The following GRIK1 variants were observed in gnomAD, a reference collection of about 807,000 sequenced individuals.
GRIK1 encodes glutamate receptor ionotropic, kainate 1.
A neutral mutation model predicts 105.7 loss-of-function variants in GRIK1; 69 were observed. The observed-to-expected ratio is 0.65, with a 90% CI of 0.54 to 0.80. The LOEUF (loss-of-function observed/expected upper bound fraction) is 0.80, where lower values mean the gene tolerates loss of function less well. Ranked by LOEUF, GRIK1 falls within the 30% of genes least tolerant of loss-of-function variation. GRIK1 has a pLI of 0.00. For synonymous variants in GRIK1, 438 were observed against 431.3 expected (o/e 1.02, Z -0.19); for missense variants, 1,109 against 1,167.3 (o/e 0.95, Z 0.73).
At chr21:29,649,700 C>T (rs2062692323) in intron 6 of GRIK1, among the ~76,000 whole-genome samples, 1 of 152,160 alleles carries the variant, frequency 6.6e-6, no homozygotes, top group East Asian at 1.9e-4. Context: ...AACACACAGA[C>T]TTTTTTTCTT....
At chr21:29,707,994 A>C (rs1418427075) in intron 1 of GRIK1, among the ~76,000 whole-genome samples, 1 of 152,096 alleles carries the variant, frequency 6.6e-6, no homozygotes, top group Non-Finnish European at 1.5e-5. Context: ...TTACTTGGAG[A>C]GAGTAAAATG....
intron 8 of GRIK1, 121 bp downstream of exon 8, chr21:29,598,709 G>C (rs141303264): frequency 1.9e-6 from 1 of 525,060 alleles, no homozygotes; most frequent in South Asian, 3.2e-5. Flanking sequence ...TAAAAAACTG[G>C]ATGTAAAAGA....
At chr21:29,564,710 C>T (rs962621419) in intron 14 of GRIK1, among the ~76,000 whole-genome samples, 20 of 152,082 alleles carry the variant, frequency 1.3e-4, no homozygotes, top group African/African-American at 3.9e-4. Flanking sequence ...CTGCATGGGA[C>T]GAATATGTAG....
chr21:29,695,514 G>C (rs1202401815), intron 1 of GRIK1, among the ~76,000 whole-genome samples: 1 of 150,670 alleles, frequency 6.6e-6, no homozygotes, highest in Non-Finnish European at 1.5e-5. Flanking sequence ...TTGCTCTGTT[G>C]CCCAGGCTGG....
At chr21:29,933,169 T>C (rs1393873030) in intron 1 of GRIK1, among the ~76,000 whole-genome samples, 5 of 152,184 alleles carry the variant, frequency 3.3e-5, no homozygotes, top group African/African-American at 4.8e-5. Flanking sequence ...TCCGGGTACA[T>C]GGGCAGTATG....
rs533395688 is a variant in GRIK1 at position 29,557,138 on chromosome 21, C to T, written c.2357-1836G>A. On this transcript the variant is annotated intron_variant, in intron 15 of 17. Coordinates refer to ENST00000327783, the MANE Select transcript of GRIK1 (RefSeq NM_001330994.2). ...TGGTTAATCAATGCAAAGGAAGAGG[C>T]AAAGTAAGATTCTTTCAATTAATCT... Among the ~76,000 whole-genome samples, 270 of 152,232 alleles carry T rather than the reference C, an allele frequency of 1.8e-3. 1 individual carries two copies. The highest frequency in any genetic ancestry group is 6.1e-3 in the African/African-American group (255 of 41,540).
At chr21:29,581,317 T>C in intron 13 of GRIK1, 108 bp downstream of exon 13, 1 of 722,964 alleles carries the variant, frequency 1.4e-6, no homozygotes, top group South Asian at 1.7e-5. Context: ...CTTAAGTTCC[T>C]GAGATGGTGT....
At chr21:29,653,952 G>T (rs187025583) in intron 5 of GRIK1, among the ~76,000 whole-genome samples, 2 of 152,082 alleles carry the variant, frequency 1.3e-5, no homozygotes, top group Non-Finnish European at 2.9e-5. Flanking sequence ...TTACTACTTC[G>T]GGTCCTTATT....
At chr21:29,620,743 T>A (rs1329790841) in intron 7 of GRIK1, among the ~76,000 whole-genome samples, 3 of 140,680 alleles carry the variant, frequency 2.1e-5, no homozygotes, top group Non-Finnish European at 4.6e-5. Flanking sequence ...TCTTCTCTAG[T>A]CTAAGTTACA....
chr21:29,793,474 A>T (rs1601712268), intron 1 of GRIK1, among the ~76,000 whole-genome samples: 1 of 139,504 alleles, frequency 7.2e-6, no homozygotes, highest in African/African-American at 2.7e-5. Context: ...TCTCTCTCCC[A>T]CCCCCTACCC....
chr21:29,718,105 T>G (rs1184666380), intron 1 of GRIK1, among the ~76,000 whole-genome samples: 1 of 152,196 alleles, frequency 6.6e-6, no homozygotes, highest in Non-Finnish European at 1.5e-5. Context: ...AATTGTAAGT[T>G]TCCTGAGGCC....
chr21:29,701,734 C>T (rs552696101), intron 1 of GRIK1, among the ~76,000 whole-genome samples: 2 of 152,290 alleles, frequency 1.3e-5, no homozygotes, highest in South Asian at 4.2e-4. Context: ...TGCAATAACA[C>T]TCTTGCCGTA....
chr21:29,788,791 C>A (rs2066332638), intron 1 of GRIK1, among the ~76,000 whole-genome samples: 1 of 152,120 alleles, frequency 6.6e-6, no homozygotes, highest in Admixed American at 6.5e-5. Flanking sequence ...CTTACAGGAG[C>A]CTGTAGCCTA....
intron 1 of GRIK1, among the ~76,000 whole-genome samples, chr21:29,708,236 T>C (rs2063964087): frequency 6.6e-6 from 1 of 152,242 alleles, no homozygotes. Flanking sequence ...AGTAGTTTAA[T>C]TTTAAAACTT....
At chr21:29,920,182 A>C (rs2071144730) in intron 1 of GRIK1, among the ~76,000 whole-genome samples, 3 of 152,134 alleles carry the variant, frequency 2.0e-5, no homozygotes, top group Admixed American at 2.0e-4. Flanking sequence ...CTTCAAAGAG[A>C]AGTTTTAAAT....
intron 1 of GRIK1, among the ~76,000 whole-genome samples, chr21:29,893,139 T>A (rs1245670567): frequency 6.6e-6 from 1 of 152,234 alleles, no homozygotes; most frequent in Non-Finnish European, 1.5e-5. Context: ...GTTTTACTTT[T>A]CAAACTAGGA....
At chr21:29,790,128 C>T (rs1026840316) in intron 1 of GRIK1, among the ~76,000 whole-genome samples, 4 of 152,146 alleles carry the variant, frequency 2.6e-5, no homozygotes, top group Admixed American at 1.3e-4. Flanking sequence ...CGGCTCACTT[C>T]GAACTCCACC....
intron 1 of GRIK1, among the ~76,000 whole-genome samples, chr21:29,780,619 C>A (rs111251454): frequency 0.042 from 6,453 of 152,180 alleles, 191 homozygotes; most frequent in Non-Finnish European, 0.066. Context: ...AACAGGAGAA[C>A]GAGCAGCTTT....
intron 1 of GRIK1, among the ~76,000 whole-genome samples, chr21:29,875,261 GAAACC>G: frequency 1.3e-5 from 2 of 152,028 alleles, no homozygotes; most frequent in East Asian, 3.9e-4. Context: ...TTTCTACCAG[GAAACC>G]TGGTAGAAAT....
Sources: allele counts gnomAD v4.1 joint callset (sites outside exome capture counted in the v4.1 genomes callset), GRCh38; gene constraint gnomAD v4.1.1; transcripts MANE v1.5; gene names NCBI Gene and HGNC (gene_info 2026-07-23, HGNC 2026-07-21).